PTPRT: variants seen among roughly 807,000 people sequenced by gnomAD.
PTPRT encodes receptor-type tyrosine-protein phosphatase T.
In PTPRT, 56 loss-of-function variants were observed where a neutral mutation model predicts 176.8. That is an observed-to-expected ratio of 0.32 (90% CI 0.26 to 0.40). The LOEUF (loss-of-function observed/expected upper bound fraction) is 0.40, where lower values mean the gene tolerates loss of function less well. Ranked by LOEUF, PTPRT falls within the 10% of genes least tolerant of loss-of-function variation. The probability of loss-of-function intolerance (pLI) is 1.00; values close to 1 mark genes in which losing one functional copy is unlikely to be tolerated. For synonymous variants in PTPRT, 783 were observed against 739.0 expected (o/e 1.06, Z -0.96); for missense variants, 1,540 against 1,908.2 (o/e 0.81, Z 3.60).
chr20:42,098,428 G>T lies in PTPRT; in HGVS notation c.3839C>A (p.Thr1280Asn), dbSNP rs1350144317. 6.2e-7 allele frequency: 1 copy of T among 1,614,150 alleles called. No individual in the cohort carries two copies. Among genetic ancestry groups the T allele is most frequent in the Admixed American group, 1.7e-5 (1 of 60,026 alleles). The change falls in exon 27 of 31, where the codon ACT (threonine) becomes AAT (asparagine). Residue 1280 changes from threonine (T) to asparagine (N), a missense_variant. This residue lies in a region of PTPRT where 342 missense variants were observed against 394.0 expected (regional missense o/e 0.87). Coordinates refer to ENST00000373187, the MANE Select transcript of PTPRT (RefSeq NM_007050.6). ...SSVVMLNEMDTAQFCMQYWPE... is the reference protein window; with the variant it reads ...SSVVMLNEMDNAQFCMQYWPE... ...GGCTTGGCCTCCTCCTACCTGGGCA[G>T]TGTCCATCTCATTCAGCATCACCAC...
intron 1 of PTPRT, among the ~76,000 whole-genome samples, chr20:42,937,518 T>G (rs560451876): frequency 6.6e-5 from 10 of 152,350 alleles, no homozygotes; most frequent in African/African-American, 2.4e-4. Context: ...CAGCTAGTTC[T>G]CAGAAAGTCT....
chr20:42,811,930 T>C (rs968542880), intron 2 of PTPRT, among the ~76,000 whole-genome samples: 2 of 152,202 alleles, frequency 1.3e-5, no homozygotes, highest in African/African-American at 2.4e-5. Flanking sequence ...TGAGTACATT[T>C]ACTCTTGACA....
At chr20:42,708,458 C>T (rs117078948) in intron 6 of PTPRT, among the ~76,000 whole-genome samples, 291 of 152,282 alleles carry the variant, frequency 1.9e-3, no homozygotes, top group Non-Finnish European at 2.9e-3. Context: ...ATCACCACAT[C>T]ACAATGACTC....
chr20:42,252,298 T>C (rs1384962429), intron 13 of PTPRT, among the ~76,000 whole-genome samples: 1 of 152,188 alleles, frequency 6.6e-6, no homozygotes, highest in Non-Finnish European at 1.5e-5. Flanking sequence ...AAAAATGCGA[T>C]CTGGAGCTCT....
intron 13 of PTPRT, among the ~76,000 whole-genome samples, chr20:42,262,902 T>C (rs1285938963): frequency 6.6e-6 from 1 of 152,204 alleles, no homozygotes; most frequent in Non-Finnish European, 1.5e-5. Flanking sequence ...TGACTATCTC[T>C]GCATGCAATC....
intron 18 of PTPRT, among the ~76,000 whole-genome samples, chr20:42,135,954 A>C (rs1326079791): frequency 2.0e-5 from 3 of 152,118 alleles, no homozygotes; most frequent in Non-Finnish European, 4.4e-5. Flanking sequence ...CTAAGTTCTC[A>C]GTCTCCAACA....
chr20:42,410,328 A>G (rs2059002037), intron 9 of PTPRT, among the ~76,000 whole-genome samples: 2 of 152,184 alleles, frequency 1.3e-5, no homozygotes, highest in Admixed American at 6.5e-5. Flanking sequence ...AGATGAGCCA[A>G]CAGCTAATAA....
intron 13 of PTPRT, among the ~76,000 whole-genome samples, chr20:42,277,580 G>A (rs2057062340): frequency 6.6e-6 from 1 of 152,186 alleles, no homozygotes; most frequent in Admixed American, 6.5e-5. Flanking sequence ...GAATCTATTT[G>A]ACTTCAAGGA....
intron 9 of PTPRT, among the ~76,000 whole-genome samples, chr20:42,401,906 A>C (rs2058912197): frequency 6.6e-6 from 1 of 152,102 alleles, no homozygotes. Context: ...TTTGCTGGGG[A>C]AGCAGGGTGT....
At chr20:42,655,822 T>C (rs1171327551) in intron 7 of PTPRT, among the ~76,000 whole-genome samples, 1 of 152,170 alleles carries the variant, frequency 6.6e-6, no homozygotes, top group African/African-American at 2.4e-5. Flanking sequence ...CATCAACCTA[T>C]AATGTTGAGG....
chr20:42,456,911 G>T (rs529203247), intron 8 of PTPRT, among the ~76,000 whole-genome samples: 114 of 152,286 alleles, frequency 7.5e-4, no homozygotes, highest in African/African-American at 2.2e-3. Flanking sequence ...GATTGCACTT[G>T]TGAAGTCACC....
At chr20:42,755,041 A>G (rs2076811064) in intron 6 of PTPRT, among the ~76,000 whole-genome samples, 1 of 152,220 alleles carries the variant, frequency 6.6e-6, no homozygotes. Context: ...CCAGCATTTT[A>G]AAGTGTGATA....
intron 2 of PTPRT, among the ~76,000 whole-genome samples, chr20:42,867,337 C>G (rs1231187937): frequency 6.6e-6 from 1 of 151,594 alleles, no homozygotes; most frequent in East Asian, 1.9e-4. Context: ...TAATATCAGC[C>G]TGATTTCAAT....
chr20:42,980,137 G>A (rs995953408), intron 1 of PTPRT, among the ~76,000 whole-genome samples: 2 of 152,072 alleles, frequency 1.3e-5, no homozygotes, highest in African/African-American at 2.4e-5. Flanking sequence ...ATTTCCAAAC[G>A]AAGTCATTTA....
In PTPRT at chr20:42,815,764, T is replaced by A. The variant is rs965476128; in HGVS notation, c.215-24298A>T. On this transcript the variant is annotated intron_variant, in intron 2 of 30. Coordinates refer to ENST00000373187, the MANE Select transcript of PTPRT (RefSeq NM_007050.6). ...GAGGCTGAGTTGACAGGGCTTCTCA[T>A]CAACCACTTTGGATCCTGGGGAGAA... 3.3e-5 allele frequency among the ~76,000 whole-genome samples: 5 copies of A among 152,296 alleles called. No homozygotes were observed. The East Asian group carries it at 9.7e-4, about 29-fold the overall frequency.
intron 7 of PTPRT, among the ~76,000 whole-genome samples, chr20:42,564,144 G>C (rs934450788): frequency 2.6e-5 from 4 of 152,208 alleles, no homozygotes; most frequent in African/African-American, 9.6e-5. Context: ...CTGCAAAGGG[G>C]CTGAGAGGTG....
intron 1 of PTPRT, among the ~76,000 whole-genome samples, chr20:42,886,416 G>A (rs557251149): frequency 2.6e-5 from 4 of 152,250 alleles, no homozygotes; most frequent in East Asian, 3.9e-4. Context: ...CCTATGATAC[G>A]GAGGGAAATG....
intron 1 of PTPRT, among the ~76,000 whole-genome samples, chr20:43,034,013 C>G (rs1986262407): frequency 6.6e-6 from 1 of 152,180 alleles, no homozygotes; most frequent in Non-Finnish European, 1.5e-5. Context: ...GACTGAGGCT[C>G]AGAAGAATAA....
chr20:42,675,991 G>A (rs2075494628), intron 7 of PTPRT, among the ~76,000 whole-genome samples: 1 of 152,204 alleles, frequency 6.6e-6, no homozygotes, highest in South Asian at 2.1e-4. Context: ...TGCTATGAAT[G>A]CATACTGCTC....
Sources: allele counts gnomAD v4.1 joint callset (sites outside exome capture counted in the v4.1 genomes callset), GRCh38; gene constraint gnomAD v4.1.1; regional missense constraint gnomAD v4.1.1; transcripts MANE v1.5; gene names NCBI Gene and HGNC (gene_info 2026-07-23, HGNC 2026-07-21).